Variants in MYBBP1A observed in about 807,000 individuals in gnomAD.
MYBBP1A encodes the protein MYB binding protein 1a, also known as myb-binding protein 1A.
A neutral mutation model predicts 136.3 loss-of-function variants in MYBBP1A; 147 were observed. That is an observed-to-expected ratio of 1.08 (90% CI 0.94 to 1.24). MYBBP1A has a LOEUF of 1.24. Ranked by LOEUF, MYBBP1A falls within the 50% of genes most tolerant of loss-of-function variation. The probability of loss-of-function intolerance (pLI) is 0.00; values close to 1 mark genes in which losing one functional copy is unlikely to be tolerated. For missense variants in MYBBP1A, 2,060 were observed against 1,727.4 expected (o/e 1.19, Z -3.41); for synonymous variants, 947 against 735.8 (o/e 1.29, Z -4.65).
At position 4,545,939 on chromosome 17, in the gene MYBBP1A, G is replaced by A. The variant is rs1295391376; in HGVS notation, c.1828C>T (p.Pro610Ser). 5.6e-6 allele frequency: 9 copies of A among 1,612,838 alleles called. No individual in the cohort carries two copies. Among genetic ancestry groups the A allele is most frequent in the African/African-American group, 1.3e-5 (1 of 74,928 alleles). Residue 610 changes from proline (P) to serine (S), a missense_variant, in exon 14 of 26, where the codon CCT (proline) becomes TCT (serine). Transcript: ENST00000254718. ...CCCAGCAGGTCACAGCTCTCTGCAG[G>A]GGACTGCGGGCAGGGTAGGACACAC... ...LLVGIHLLKS[P>S]AESCDLLGDI... is the part of the protein sequence containing the mutation.
chr17:4,540,925 G>A (rs951996306), intron 24 of MYBBP1A, among the ~76,000 whole-genome samples: 5 of 118,030 alleles, frequency 4.2e-5, no homozygotes, highest in Admixed American at 3.5e-4. Context: ...AGTTTTGTAA[G>A]GCCCCGTCCC....
Position 4,547,973 on chromosome 17 carries a change from G to C in MYBBP1A, c.1809C>G (p.Gly603=). Residue 603 remains glycine (G), a synonymous_variant, in exon 13 of 26, where the codon GGC becomes GGG. Coordinates refer to ENST00000254718, the MANE Select transcript of MYBBP1A (RefSeq NM_014520.4). The stretch of plus-strand genomic sequence containing the variant: ...GCCCCAGTACCTTGAGGAGGTGGAT[G>C]CCCACGAGGAGCAGAAGGTGCTGGA... ...AAFQHLLLLV[G]IHLLKSPAES... is the part of the protein sequence containing the mutation. 6.6e-7 allele frequency: 1 copy of C among 1,515,550 alleles called. No homozygotes were observed. The allele number at this position is 1,515,550 out of a possible 1,614,324, so 93.9% of individuals were successfully genotyped here. A position where few individuals can be genotyped will look rare whatever the true frequency, so the allele number is the denominator to read the frequency against.
At chr17:4,555,045 C>G in intron 1 of MYBBP1A, 82 bp downstream of exon 1, 2 of 1,582,062 alleles carry the variant, frequency 1.3e-6, no homozygotes, top group Non-Finnish European at 1.7e-6. Flanking sequence ...CGACCACGTG[C>G]CCCCAGTCTC....
Position 4,548,615 on chromosome 17 carries a change from T to C in MYBBP1A, c.1465A>G (p.Lys489Glu). The C allele has an allele frequency of 6.2e-7, 1 of 1,614,166 alleles. No homozygotes were observed. Among genetic ancestry groups the C allele is most frequent in the Non-Finnish European group, 8.5e-7 (1 of 1,179,998 alleles). Residue 489 changes from lysine to glutamate, a missense_variant, in exon 11 of 26, where the codon AAG becomes GAG. Lys to Glu is a moderately conservative substitution (Grantham distance 56, BLOSUM62 1). Coordinates refer to ENST00000254718, the MANE Select transcript of MYBBP1A (RefSeq NM_014520.4). The surrounding 1 kb of genome is among the most constrained non-coding windows in gnomAD (Gnocchi z 4.2). ...CLFHSFFVTK[K>E]PTSQIPETKH... ...GTCTCAGGGATCTGGGATGTGGGCT[T>C]CTTTGTGACAAAGAACGAGTGGAAC...
chr17:4,538,913 C>T lies in MYBBP1A; in HGVS notation c.*502G>A. 1.3e-6 allele frequency: 1 copy of T among 782,008 alleles called. No individual in the cohort carries two copies. Among genetic ancestry groups the T allele is most frequent in the Non-Finnish European group, 2.4e-6 (1 of 418,952 alleles). 48.4% of individuals were successfully genotyped at this position (782,008 alleles called of 1,614,324 possible). On this transcript the variant is annotated 3_prime_UTR_variant, in exon 26 of 26. Transcript: ENST00000254718. ...GAACCAGGTCCGAGTGTTGCCTCCT[C>T]TTCCTTCCGGAAGCCAAACTGCTCC...
chr17:4,541,949 A>C, intron 22 of MYBBP1A, 58 bp from the exon 23 acceptor site: 1 of 1,438,772 alleles, frequency 7.0e-7, no homozygotes, highest in South Asian at 1.2e-5. Context: ...CTCACGGCTC[A>C]GGGATGCATG....
rs776118003 is a variant in MYBBP1A, at chr17:4,548,101, C to A, written c.1724+42G>T. On this transcript the variant is annotated intron_variant, in intron 12 of 25. Transcript: ENST00000254718. This position sits in a 1 kb window ranked among gnomAD's most constrained non-coding sequence, Gnocchi z 4.2. ...TTCCCAGGCCCCTGCACCAGTCAGACTGCAGCGTCCTGCCCACCCCCTGGA... is the reference window on the plus strand; with the variant it reads ...TTCCCAGGCCCCTGCACCAGTCAGAATGCAGCGTCCTGCCCACCCCCTGGA... 1.2e-6 allele frequency: 2 copies of A among 1,602,260 alleles called. No individual in the cohort carries two copies. Among genetic ancestry groups the A allele is most frequent in the Admixed American group, 3.3e-5 (2 of 59,888 alleles).
At position 4,541,792 on chromosome 17, in the gene MYBBP1A, C is replaced by T; in HGVS notation, c.3187G>A (p.Val1063Ile). 6 of 1,614,058 alleles carry T rather than the reference C, an allele frequency of 3.7e-6. No homozygotes were observed. The highest frequency in any genetic ancestry group is 4.2e-6 in the Non-Finnish European group (5 of 1,179,972). Residue 1063 changes from valine to isoleucine, a missense_variant, in exon 23 of 26, where the codon GTC becomes ATC. By Grantham distance (29) the Val-to-Ile change is conservative. Transcript: ENST00000254718. ...KQLMGQVLAK[V>I]TENLRVLGEA... ...CGCCCCCCGGCTGTTACCTCGGTGACCTTTGCTAGGACCTGGCCCATCAGC... is the reference window on the plus strand; with the variant it reads ...CGCCCCCCGGCTGTTACCTCGGTGATCTTTGCTAGGACCTGGCCCATCAGC...
At chr17:4,546,227 T>C (rs2144464504) in intron 13 of MYBBP1A, among the ~76,000 whole-genome samples, 1 of 152,344 alleles carries the variant, frequency 6.6e-6, no homozygotes, top group East Asian at 1.9e-4. Flanking sequence ...CAAGCCATTC[T>C]CCTGCCTCAG....
rs1907876561 is a variant in MYBBP1A, at chr17:4,554,795, C to T, written c.294+66G>A. 30 of 1,493,342 alleles carry T rather than the reference C, an allele frequency of 2.0e-5. No homozygotes were observed. In the South Asian group the frequency reaches 3.3e-4, roughly 16 times the overall value. 92.5% of individuals were successfully genotyped at this position (1,493,342 alleles called of 1,614,324 possible). A position where few individuals can be genotyped will look rare whatever the true frequency, so the allele number is the denominator to read the frequency against. ...CTCCGCCACAGCTGAGACACCACACCCGCCCTCCTCATACCCCACCATTTT... is the reference window on the plus strand; with the variant it reads ...CTCCGCCACAGCTGAGACACCACACTCGCCCTCCTCATACCCCACCATTTT... On this transcript the variant is annotated intron_variant, in intron 2 of 25. Coordinates refer to ENST00000254718, the MANE Select transcript of MYBBP1A (RefSeq NM_014520.4).
At chr17:4,542,762 C>A in intron 20 of MYBBP1A, 21 bp from the exon 21 acceptor site, 1 of 1,612,210 alleles carries the variant, frequency 6.2e-7, no homozygotes, top group Non-Finnish European at 8.5e-7. Flanking sequence ...GGAGAGCGAG[C>A]TGGGTGAGGC....
chr17:4,549,508 G>T, intron 9 of MYBBP1A, 66 bp from the exon 10 acceptor site: 1 of 1,421,496 alleles, frequency 7.0e-7, no homozygotes, highest in Non-Finnish European at 9.7e-7. Flanking sequence ...TGGGCCCAGT[G>T]GCTCACACCT....
At position 4,538,930 on chromosome 17, in the gene MYBBP1A, A is replaced by C. The variant is rs985249274; in HGVS notation, c.*485T>G. 6 of 782,960 alleles carry C rather than the reference A, an allele frequency of 7.7e-6. No homozygotes were observed. The highest frequency in any genetic ancestry group is 6.8e-5 in the Admixed American group (4 of 59,014). The allele number at this position is 782,960 out of a possible 1,614,324, so 48.5% of individuals were successfully genotyped here. On this transcript the variant is annotated 3_prime_UTR_variant, in exon 26 of 26. Transcript: ENST00000254718. ...TGCCTCCTCTTCCTTCCGGAAGCCA[A>C]ACTGCTCCTTTATTTTTTAGAGCTG...
Position 4,551,804 on chromosome 17 carries a change from C to T in MYBBP1A, c.1023+76G>A, listed in dbSNP as rs892919621. On this transcript the variant is annotated intron_variant, in intron 8 of 25. Transcript: ENST00000254718. ...AGCTCTAGCCAAGCCCCCGAGGTGC[C>T]CTGCTCCCCTTTTTGGCAGGGAGAG... 3 of 1,349,940 alleles carry T rather than the reference C, an allele frequency of 2.2e-6. No homozygotes were observed. In the African/African-American group the frequency reaches 4.3e-5, roughly 19 times the overall value. 83.6% of individuals were successfully genotyped at this position (1,349,940 alleles called of 1,614,324 possible).
In MYBBP1A at chr17:4,552,667, G is replaced by C. The variant is rs766552730; in HGVS notation, c.562-41C>G. 6.3e-7 allele frequency: 1 copy of C among 1,582,926 alleles called. No homozygotes were observed. Among genetic ancestry groups the C allele is most frequent in the South Asian group, 1.1e-5 (1 of 88,286 alleles). ...GAAGAAATCGTGACTTCCTCTGCGG[G>C]GTGAGCCTGGTGGATCCTGTTCTAC... On this transcript the variant is annotated intron_variant, in intron 5 of 25. Transcript: ENST00000254718. The surrounding 1 kb of genome is among the most constrained non-coding windows in gnomAD (Gnocchi z 4.7).
In MYBBP1A at chr17:4,545,122, G is replaced by C. The variant is rs568642548; in HGVS notation, c.2214C>G (p.Ser738Arg). Reference protein sequence around the residue: ...DNRSSESEEESEGEESEEEER... With the variant: ...DNRSSESEEEREGEESEEEER... ...CCTCCTCCTCGCTCTCCTCCCCCTCGCTCTCCTCTTCACTCTCTGAGCTTC... is the reference window on the plus strand; with the variant it reads ...CCTCCTCCTCGCTCTCCTCCCCCTCCCTCTCCTCTTCACTCTCTGAGCTTC... The change falls in exon 17 of 26, where the codon AGC (serine) becomes AGG (arginine). Residue 738 changes from serine (S) to arginine (R), a missense_variant. By Grantham distance (110) the Ser-to-Arg change is moderately radical (BLOSUM62 -1). Transcript: ENST00000254718. The C allele has an allele frequency of 1.9e-6, 3 of 1,610,520 alleles. No homozygotes were observed. The African/African-American group carries it at 4.0e-5, about 22-fold the overall frequency.
chr17:4,547,731 G>C (rs986756392), intron 13 of MYBBP1A: 3 of 471,270 alleles, frequency 6.4e-6, no homozygotes, highest in Non-Finnish European at 1.1e-5. Flanking sequence ...CCTCAAAGCT[G>C]TGGGGATTAC....
chr17:4,539,197 CG>C lies in MYBBP1A; in HGVS notation c.*217del. On this transcript the variant is annotated 3_prime_UTR_variant, in exon 26 of 26. Coordinates refer to ENST00000254718, the MANE Select transcript of MYBBP1A (RefSeq NM_014520.4). ...TGGAGCCAGGGTCCCAGCCCAGAAC[CG>C]GGGGTGGGGAGGTCTCTGCACCCTG... 2 of 1,451,706 alleles carry C rather than the reference CG, an allele frequency of 1.4e-6. No individual in the cohort carries two copies. The highest frequency in any genetic ancestry group is 1.8e-6 in the Non-Finnish European group (2 of 1,111,692). The allele number at this position is 1,451,706 out of a possible 1,614,324, so 89.9% of individuals were successfully genotyped here.
chr17:4,540,856 ATTG>A (rs1345483746), intron 24 of MYBBP1A, among the ~76,000 whole-genome samples: 1 of 150,540 alleles, frequency 6.6e-6, no homozygotes, highest in Non-Finnish European at 1.5e-5. Flanking sequence ...TGAATGGGTT[ATTG>A]TTGGAATCCG....
Sources: allele counts gnomAD v4.1 joint callset (sites outside exome capture counted in the v4.1 genomes callset), GRCh38; gene constraint gnomAD v4.1.1; non-coding constraint Gnocchi (gnomAD v3.1); transcripts MANE v1.5; gene names NCBI Gene and HGNC (gene_info 2026-07-23, HGNC 2026-07-21).